Variants in EXD3 observed in about 807,000 individuals in gnomAD.
EXD3 encodes exonuclease 3'-5' domain containing 3.
In EXD3, 92 loss-of-function variants were observed where a neutral mutation model predicts 98.0. The ratio of observed to expected loss-of-function variants is 0.94; its 90% CI spans 0.79 to 1.12. The LOEUF (loss-of-function observed/expected upper bound fraction) is 1.12, where lower values mean the gene tolerates loss of function less well. Among genes scored for constraint, EXD3 ranks in the 50% most tolerant of loss-of-function variants. The pLI, the probability that EXD3 is intolerant of heterozygous loss-of-function variation, is 0.00. For missense variants in EXD3, 1,222 were observed against 1,191.6 expected, an observed-to-expected ratio of 1.03 and a Z score of -0.38; for synonymous variants, 569 against 526.0, an observed-to-expected ratio of 1.08 and a Z score of -1.12.
intron 1 of EXD3, among the ~76,000 whole-genome samples, chr9:137,416,881 C>T (rs150849247): frequency 0.011 from 1,656 of 152,350 alleles, 21 homozygotes; most frequent in African/African-American, 0.037. Context: ...CAGGCCCTCC[C>T]TGAGCTGGGC....
At chr9:137,313,246 T>C (rs1831462503) in intron 19 of EXD3, among the ~76,000 whole-genome samples, 1 of 152,142 alleles carries the variant, frequency 6.6e-6, no homozygotes, top group African/African-American at 2.4e-5. Flanking sequence ...CAGTGGCCTG[T>C]TGGGTTGGGA....
At chr9:137,408,992 C>G (rs532259201) in intron 1 of EXD3, among the ~76,000 whole-genome samples, 1 of 152,350 alleles carries the variant, frequency 6.6e-6, no homozygotes, top group Admixed American at 6.5e-5. Context: ...CGGCCTGTCC[C>G]TTCTGTGGGA....
intron 17 of EXD3, among the ~76,000 whole-genome samples, chr9:137,332,505 T>G (rs1023475236): frequency 3.3e-5 from 5 of 151,000 alleles, no homozygotes; most frequent in Non-Finnish European, 1.5e-5. Context: ...GGGAATCCCT[T>G]CAACCTGGGA....
chr9:137,354,299 A>T lies in EXD3; in HGVS notation c.870+40T>A, dbSNP rs950299485. The T allele has an allele frequency of 3.7e-6, 6 of 1,609,102 alleles. No homozygotes were observed. In the African/African-American group the frequency reaches 8.0e-5, roughly 21 times the overall value. Reference sequence around the variant, plus strand: ...GCCTGTGCCCCTAGGACAGCCGCCCAGGCCGCCCTGCCGGCTTACAGGCAA... The same window carrying T: ...GCCTGTGCCCCTAGGACAGCCGCCCTGGCCGCCCTGCCGGCTTACAGGCAA... On this transcript the variant is annotated intron_variant, in intron 10 of 21. Transcript: ENST00000340951.
Position 137,352,181 on chromosome 9 carries a change from C to A in EXD3, c.1058G>T (p.Arg353Met). The change falls in exon 12 of 22, where the codon AGG (arginine) becomes ATG (methionine). Residue 353 changes from arginine to methionine, a missense_variant. Transcript: ENST00000340951. ...LQGRATEADS[R>M]LEVKDMKDRY... ...GTCCTTCATGTCCTTCACCTCCAGCCTCGAGTCAGCCTCAGTCGCCCTGGG... is the reference window on the plus strand; with the variant it reads ...GTCCTTCATGTCCTTCACCTCCAGCATCGAGTCAGCCTCAGTCGCCCTGGG... 6.2e-7 allele frequency: 1 copy of A among 1,612,754 alleles called. No homozygotes were observed. Among genetic ancestry groups the A allele is most frequent in the Non-Finnish European group, 8.5e-7 (1 of 1,179,750 alleles).
rs956728409 is a variant in EXD3, at chr9:137,385,658, G to A, written c.56-2281C>T. On this transcript the variant is annotated intron_variant, in intron 2 of 21. Transcript: ENST00000340951. The surrounding 1 kb of genome is among the most constrained non-coding windows in gnomAD (Gnocchi z 4.4). ...TCGTGATTCTCGTGCCTCAGCCTCCGGAGTAGCTGGGAGTACAGGCGCTCA... is the reference window on the plus strand; with the variant it reads ...TCGTGATTCTCGTGCCTCAGCCTCCAGAGTAGCTGGGAGTACAGGCGCTCA... Among the ~76,000 whole-genome samples, 6 of 152,038 alleles carry A rather than the reference G, an allele frequency of 3.9e-5. No individual in the cohort carries two copies. The highest frequency in any genetic ancestry group is 7.4e-5 in the Non-Finnish European group (5 of 68,016).
chr9:137,374,946 A>G, intron 3 of EXD3: 1 of 728,134 alleles, frequency 1.4e-6, no homozygotes. Flanking sequence ...TTCTAGCCCT[A>G]ATGAGTTATA....
At chr9:137,328,485 A>ACGAATATACACTC (rs1336695260) in intron 17 of EXD3, among the ~76,000 whole-genome samples, 5 of 151,746 alleles carry the variant, frequency 3.3e-5, no homozygotes, top group Admixed American at 6.5e-5. Flanking sequence ...AGTAAAAACA[A>ACGAATATACACTC]AAGTAAAAAC....
At chr9:137,416,565 G>C (rs1249592256) in intron 1 of EXD3, among the ~76,000 whole-genome samples, 1 of 152,190 alleles carries the variant, frequency 6.6e-6, no homozygotes, top group Non-Finnish European at 1.5e-5. Flanking sequence ...ACCCTCGTCA[G>C]CCCGGCTGCT....
intron 17 of EXD3, among the ~76,000 whole-genome samples, chr9:137,341,043 G>T (rs1481708208): frequency 7.2e-5 from 11 of 152,316 alleles, no homozygotes; most frequent in Admixed American, 3.3e-4. Flanking sequence ...AAGCTGGGCA[G>T]GGTGGCTCAC....
intron 17 of EXD3, among the ~76,000 whole-genome samples, chr9:137,345,241 T>A (rs971207086): frequency 1.3e-5 from 2 of 152,274 alleles, no homozygotes; most frequent in African/African-American, 4.8e-5. Flanking sequence ...TTTTCCTTTT[T>A]AAAAAATGTT....
At chr9:137,365,246 G>A (rs1835165446) in intron 7 of EXD3, 1 of 152,214 alleles carries the variant, frequency 6.6e-6, no homozygotes, top group African/African-American at 2.4e-5. Flanking sequence ...CTCAGAAAGT[G>A]GAAGTGACTT....
At chr9:137,307,567 G>C in intron 21 of EXD3, 41 bp downstream of exon 21, 1 of 1,605,032 alleles carries the variant, frequency 6.2e-7, no homozygotes. Flanking sequence ...CAGGGCCGCA[G>C]AGAAGCAGCT....
At chr9:137,408,385 A>G (rs1044968195) in intron 1 of EXD3, among the ~76,000 whole-genome samples, 1 of 151,816 alleles carries the variant, frequency 6.6e-6, no homozygotes, top group Admixed American at 6.6e-5. Context: ...CGTCTCTACT[A>G]AAAATATAAA....
chr9:137,383,537 A>G (rs1836431240), intron 2 of EXD3, among the ~76,000 whole-genome samples, 160 bp from the exon 3 acceptor site: 1 of 151,840 alleles, frequency 6.6e-6, no homozygotes, highest in Admixed American at 6.6e-5. Context: ...CACACACAAC[A>G]CACCTGCCAG....
At chr9:137,406,303 A>AAAAAG (rs148201227) in intron 1 of EXD3, among the ~76,000 whole-genome samples, 1,627 of 150,840 alleles carry the variant, frequency 0.011, 25 homozygotes, top group African/African-American at 0.037. Flanking sequence ...AAAAAAAAAG[A>AAAAAG]AAAAGAAAAG....
Position 137,352,742 on chromosome 9 carries a change from C to T in EXD3, c.915G>A (p.Gln305=). 1 of 1,576,528 alleles carries T rather than the reference C, an allele frequency of 6.3e-7. No homozygotes were observed. ...QSPWLQEQLS[Q]LLVSHSDPVT... ...CTGGGTCACTGTGGGAGACCAGCAG[C>T]TGAGACAGCTGCTCCTGAAGCCACG... The change falls in exon 11 of 22, where the codon CAG becomes CAA. Residue 305 remains glutamine, a synonymous_variant. Transcript: ENST00000340951.
intron 14 of EXD3, 148 bp downstream of exon 14, chr9:137,350,890 C>A: frequency 1.5e-6 from 1 of 654,288 alleles, no homozygotes. Flanking sequence ...CTGCCAGGCT[C>A]TGCTCTGGGG....
chr9:137,404,344 C>T (rs1001345747), intron 1 of EXD3, among the ~76,000 whole-genome samples: 13 of 152,132 alleles, frequency 8.5e-5, no homozygotes, highest in African/African-American at 3.1e-4. Context: ...AAGGCCTCTG[C>T]ACACTATTCC....
Sources: allele counts gnomAD v4.1 joint callset (sites outside exome capture counted in the v4.1 genomes callset), GRCh38; gene constraint gnomAD v4.1.1; non-coding constraint Gnocchi (gnomAD v3.1); transcripts MANE v1.5; gene names NCBI Gene and HGNC (gene_info 2026-07-23, HGNC 2026-07-21).